The following PMEPA1 variants were observed in gnomAD, a reference collection of about 807,000 sequenced individuals.
The protein encoded by PMEPA1 is protein TMEPAI.
PMEPA1 carries 11 observed loss-of-function variants against 23.0 expected under a neutral mutation model. The observed-to-expected ratio is 0.48, with a 90% CI of 0.30 to 0.79. The LOEUF (loss-of-function observed/expected upper bound fraction) is 0.79. Among genes scored for constraint, PMEPA1 ranks in the 30% least tolerant of loss-of-function variants. The pLI is 0.06. For missense variants in PMEPA1, 377 were observed against 390.9 expected, an observed-to-expected ratio of 0.96 and a Z score of 0.30; for synonymous variants, 204 against 166.4, an observed-to-expected ratio of 1.23 and a Z score of -1.74.
chr20:57,659,665 CGAT>C lies in PMEPA1; in HGVS notation c.139_141del (p.Ile47del). 6 of 1,599,072 alleles carry C rather than the reference CGAT, an allele frequency of 3.8e-6. No homozygotes were observed. The highest frequency in any genetic ancestry group is 5.1e-6 in the Non-Finnish European group (6 of 1,172,758). On this transcript the variant is annotated inframe_deletion, in exon 2 of 4. Coordinates refer to ENST00000341744, the MANE Select transcript of PMEPA1 (RefSeq NM_020182.5). ...ACCACCATCACCATCATCACCACCA[CGAT>C]GATGATGATCTGAACAAACTCCAGC...
chr20:57,687,539 C>T (rs2071817626), intron 1 of PMEPA1, among the ~76,000 whole-genome samples: 1 of 152,214 alleles, frequency 6.6e-6, no homozygotes, highest in South Asian at 2.1e-4. Context: ...GAGCCCAGCC[C>T]TGCCTCCAGG....
chr20:57,673,400 C>G (rs182747746), intron 1 of PMEPA1, among the ~76,000 whole-genome samples: 1 of 152,198 alleles, frequency 6.6e-6, no homozygotes, highest in African/African-American at 2.4e-5. Context: ...AAGAAAATGT[C>G]TAAGTCATGA....
In PMEPA1 at chr20:57,683,775, C is replaced by T. The variant is rs2071759852; in HGVS notation, c.110-24078G>A. Among the ~76,000 whole-genome samples, 2 of 151,914 alleles carry T rather than the reference C, an allele frequency of 1.3e-5. 1 individual carries two copies. Among genetic ancestry groups the T allele is most frequent in the Admixed American group, 1.3e-4 (2 of 15,270 alleles). On this transcript the variant is annotated intron_variant, in intron 1 of 3. Coordinates refer to ENST00000341744, the MANE Select transcript of PMEPA1 (RefSeq NM_020182.5). The surrounding 1 kb of genome is among the most constrained non-coding windows in gnomAD (Gnocchi z 4.3). ...CCAGGCTGCCACCAAGAGGGAAGGA[C>T]TAGAGCCCAGCAGCTCTCAGAGTTC...
chr20:57,664,390 C>T (rs2071464371), intron 1 of PMEPA1, among the ~76,000 whole-genome samples: 1 of 152,270 alleles, frequency 6.6e-6, no homozygotes, highest in African/African-American at 2.4e-5. Flanking sequence ...CTAAGTCCCA[C>T]ACATCCCTCT....
At chr20:57,684,349 G>T (rs2071770740) in intron 1 of PMEPA1, among the ~76,000 whole-genome samples, 1 of 152,138 alleles carries the variant, frequency 6.6e-6, no homozygotes, top group Non-Finnish European at 1.5e-5. Flanking sequence ...CTCCAGAAGG[G>T]AACTCGGAAG....
intron 1 of PMEPA1, among the ~76,000 whole-genome samples, chr20:57,677,566 T>C (rs1010564558): frequency 3.3e-5 from 5 of 152,172 alleles, no homozygotes; most frequent in East Asian, 1.9e-4. Flanking sequence ...ACTCGCATCT[T>C]TCCACCAAAG....
At chr20:57,684,102 T>C (rs2071766174) in intron 1 of PMEPA1, among the ~76,000 whole-genome samples, 1 of 152,118 alleles carries the variant, frequency 6.6e-6, no homozygotes, top group Non-Finnish European at 1.5e-5. Flanking sequence ...AGTTTAGGGA[T>C]CCCAGGAGAC....
chr20:57,690,670 T>G, intron 1 of PMEPA1: 6 of 878,188 alleles, frequency 6.8e-6, no homozygotes, highest in Non-Finnish European at 9.1e-6. Context: ...GGCTCTGTCC[T>G]GGGAAACACT....
chr20:57,684,289 G>T (rs942775938), intron 1 of PMEPA1, among the ~76,000 whole-genome samples: 1 of 151,830 alleles, frequency 6.6e-6, no homozygotes, highest in African/African-American at 2.4e-5. Flanking sequence ...GGAGTTAGGG[G>T]TCTAGCTGGG....
chr20:57,693,498 G>A (rs982165735), intron 1 of PMEPA1, among the ~76,000 whole-genome samples: 2 of 152,220 alleles, frequency 1.3e-5, no homozygotes, highest in African/African-American at 4.8e-5. Context: ...GTCGAAGGTG[G>A]GGGCCAGCAG....
intron 1 of PMEPA1, among the ~76,000 whole-genome samples, chr20:57,699,396 G>T (rs1056360650): frequency 6.6e-6 from 1 of 152,326 alleles, no homozygotes; most frequent in Non-Finnish European, 1.5e-5. Flanking sequence ...AATCACCTCC[G>T]TGCAGTAATT....
At chr20:57,681,050 C>T (rs879720676) in intron 1 of PMEPA1, among the ~76,000 whole-genome samples, 1 of 152,184 alleles carries the variant, frequency 6.6e-6, no homozygotes, top group African/African-American at 2.4e-5. Context: ...CTTCTAGTTT[C>T]CACCTTTTGC....
At chr20:57,670,975 C>T (rs1349078840) in intron 1 of PMEPA1, among the ~76,000 whole-genome samples, 4 of 152,130 alleles carry the variant, frequency 2.6e-5, no homozygotes, top group African/African-American at 7.2e-5. Flanking sequence ...GGATGCAGCG[C>T]GGCCGTGGGT....
At chr20:57,681,510 G>A (rs904742409) in intron 1 of PMEPA1, among the ~76,000 whole-genome samples, 1 of 152,186 alleles carries the variant, frequency 6.6e-6, no homozygotes, top group African/African-American at 2.4e-5. Context: ...TCTTACAAGG[G>A]TGGTCCCAGC....
At chr20:57,693,099 C>A (rs1038231762) in intron 1 of PMEPA1, among the ~76,000 whole-genome samples, 10 of 152,236 alleles carry the variant, frequency 6.6e-5, no homozygotes, top group Non-Finnish European at 1.3e-4. Flanking sequence ...GGCCGCCTCG[C>A]TCTGCGTTCC....
At chr20:57,670,206 G>T (rs157082) in intron 1 of PMEPA1, among the ~76,000 whole-genome samples, 4 of 149,390 alleles carry the variant, frequency 2.7e-5, no homozygotes, top group Admixed American at 6.6e-5. Context: ...GGGGTGGGGT[G>T]GGGGGGGTAG....
chr20:57,677,606 A>G (rs529570380), intron 1 of PMEPA1, among the ~76,000 whole-genome samples: 7 of 152,344 alleles, frequency 4.6e-5, no homozygotes, highest in African/African-American at 1.7e-4. Context: ...ATGGATGTGA[A>G]TGGAAACTGA....
At chr20:57,693,461 G>A (rs1006555117) in intron 1 of PMEPA1, among the ~76,000 whole-genome samples, 6 of 152,160 alleles carry the variant, frequency 3.9e-5, no homozygotes, top group Non-Finnish European at 7.4e-5. Flanking sequence ...ACACCTCCCC[G>A]CCCCGGGACT....
chr20:57,660,553 C>G (rs1310726457), intron 1 of PMEPA1, among the ~76,000 whole-genome samples: 1 of 139,674 alleles, frequency 7.2e-6, no homozygotes, highest in Non-Finnish European at 1.5e-5. Context: ...CCTACACACA[C>G]GTCAACACCA....
Sources: gnomAD v4.1 joint callset for allele counts (sites outside exome capture counted in the v4.1 genomes callset) on GRCh38, gnomAD v4.1.1 for gene constraint, Gnocchi (gnomAD v3.1) non-coding constraint, MANE v1.5 for transcripts, NCBI Gene and HGNC (gene_info 2026-07-23, HGNC 2026-07-21) for gene names.